The following USP17L19 variants were observed in gnomAD, a reference collection of about 807,000 sequenced individuals.
USP17L19 encodes the protein ubiquitin specific peptidase 17 like family member 19.
Position 9,253,515 on chromosome 4 carries a change from G to C in USP17L19, c.138G>C (p.Glu46Asp), listed in dbSNP as rs1164493872. The change falls in exon 1 of 1, where the codon GAG becomes GAC. Residue 46 changes from glutamate to aspartate, a missense_variant. Physicochemically the swap from Glu to Asp is conservative, Grantham distance 45. Coordinates refer to ENST00000515566, the MANE Select transcript of USP17L19 (RefSeq NM_001256860.1). ...SLPEKSPLSCETRVDLCDDLA... is the reference protein window; with the variant it reads ...SLPEKSPLSCDTRVDLCDDLA... ...CTGAGAAGTCACCACTCTCATGTGA[G>C]ACCCGTGTCGACCTCTGTGATGATT... The C allele has an allele frequency of 4.7e-4, 2 of 4,266 alleles. No individual in the cohort carries two copies. The highest frequency in any genetic ancestry group is 7.3e-4 in the Non-Finnish European group (1 of 1,372). 0.3% of individuals were successfully genotyped at this position (4,266 alleles called of 1,614,324 possible).
Sources: gnomAD v4.1 joint callset for allele counts on GRCh38, gnomAD v4.1.1 for gene constraint, MANE v1.5 for transcripts, NCBI Gene and HGNC (gene_info 2026-07-23, HGNC 2026-07-21) for gene names.